Variants in NUP42 observed in about 807,000 individuals in gnomAD.
NUP42 encodes the protein nucleoporin 42, also known as nucleoporin NUP42.
In NUP42, 47 loss-of-function variants were observed where a neutral mutation model predicts 35.9. The ratio of observed to expected loss-of-function variants is 1.31; its 90% confidence interval spans 1.04 to 1.67. The LOEUF (loss-of-function observed/expected upper bound fraction) is 1.67, where lower values mean the gene tolerates loss of function less well. Among genes scored for constraint, NUP42 ranks in the 40% most tolerant of loss-of-function variants. The pLI is 0.00. For synonymous variants in NUP42, 173 were observed against 173.3 expected (o/e 1.00, Z 0.01); for missense variants, 514 against 492.2 (o/e 1.04, Z -0.42).
chr7:23,193,091 T>A (rs1417086895), intron 3 of NUP42, among the ~76,000 whole-genome samples: 1 of 151,580 alleles, frequency 6.6e-6, no homozygotes, highest in African/African-American at 2.4e-5. Context: ...TCTGGAGTTG[T>A]TTGTTCCTCC....
intron 3 of NUP42, among the ~76,000 whole-genome samples, chr7:23,191,313 G>A (rs1785783395): frequency 6.6e-6 from 1 of 152,208 alleles, no homozygotes; most frequent in Admixed American, 6.5e-5. Context: ...GGGGGAGAAA[G>A]GTCTGTTGGG....
intron 3 of NUP42, among the ~76,000 whole-genome samples, chr7:23,193,834 G>A (rs1034710359): frequency 1.3e-5 from 2 of 152,222 alleles, no homozygotes; most frequent in African/African-American, 2.4e-5. Context: ...GGAGGTGAGG[G>A]GGAGGCTCAG....
At chr7:23,192,342 G>C (rs985072832) in intron 3 of NUP42, among the ~76,000 whole-genome samples, 1 of 151,938 alleles carries the variant, frequency 6.6e-6, no homozygotes, top group East Asian at 1.9e-4. Flanking sequence ...TCAGGAGTTC[G>C]AGACCAACCT....
intron 3 of NUP42, among the ~76,000 whole-genome samples, chr7:23,189,475 T>G (rs1785714922): frequency 6.6e-6 from 1 of 151,984 alleles, no homozygotes; most frequent in Admixed American, 6.6e-5. Flanking sequence ...TTAGCCTGAG[T>G]ATGATGGCAT....
chr7:23,187,352 T>C, intron 3 of NUP42: 2 of 406,258 alleles, frequency 4.9e-6, no homozygotes, highest in Non-Finnish European at 8.7e-6. Flanking sequence ...CATATAGTTC[T>C]TGGGAGAAAA....
At chr7:23,197,468 CT>C (rs1786052810) in intron 5 of NUP42, among the ~76,000 whole-genome samples, 1 of 152,200 alleles carries the variant, frequency 6.6e-6, no homozygotes, top group South Asian at 2.1e-4. Context: ...TAACTAGACT[CT>C]TGTGCAAGCT....
intron 1 of NUP42, among the ~76,000 whole-genome samples, chr7:23,182,742 CAAAAAAAAAA>C (rs60397960): frequency 2.7e-5 from 2 of 74,156 alleles, no homozygotes; most frequent in South Asian, 5.1e-4. Context: ...CTAAAAATAC[CAAAAAAAAAA>C]AAAAAAAAAA....
At chr7:23,199,940 G>C (rs1007138062) in intron 6 of NUP42, among the ~76,000 whole-genome samples, 3 of 152,166 alleles carry the variant, frequency 2.0e-5, no homozygotes, top group African/African-American at 7.2e-5. Flanking sequence ...TTGGGTGAAG[G>C]TCGATCAAGG....
At chr7:23,196,358 T>C (rs1771912600) in intron 4 of NUP42, 1 of 241,846 alleles carries the variant, frequency 4.1e-6, no homozygotes, top group Admixed American at 5.3e-5. Flanking sequence ...GTTTAAATGC[T>C]GTATTTTTCT....
chr7:23,189,419 A>AC (rs61361674), intron 3 of NUP42, among the ~76,000 whole-genome samples: 13,346 of 152,198 alleles, frequency 0.088, 907 homozygotes, highest in African/African-American at 0.18. Flanking sequence ...GTTTGAGACC[A>AC]CCTGGACAAT....
intron 3 of NUP42, among the ~76,000 whole-genome samples, chr7:23,190,909 G>T (rs1039733839): frequency 6.6e-6 from 1 of 152,188 alleles, no homozygotes; most frequent in South Asian, 2.1e-4. Context: ...AGGAATTCTG[G>T]TTGAGCACAG....
chr7:23,185,325 C>G, intron 2 of NUP42, 27 bp downstream of exon 2: 1 of 1,487,346 alleles, frequency 6.7e-7, no homozygotes, highest in Non-Finnish European at 9.3e-7. Flanking sequence ...AGGAAAATTA[C>G]TATCCATTTG....
intron 6 of NUP42, 121 bp from the exon 7 acceptor site, chr7:23,200,047 G>A: frequency 4.1e-6 from 3 of 735,000 alleles, no homozygotes; most frequent in Non-Finnish European, 6.5e-6. Context: ...CGTCCAGTAA[G>A]CTTCTCAACA....
rs1234291009 is a variant in NUP42, at chr7:23,182,118, G to A, written c.33G>A (p.Arg11=). MAICQFFLQG[R]CRFGDRCWNE... ...TTTGTCAATTCTTCCTTCAAGGCCG[G>A]TGCCGCTTTGGAGATCGGTGCTGGA... Residue 11 remains arginine (R), a synonymous_variant, in exon 1 of 7, where the codon CGG becomes CGA. Coordinates refer to ENST00000258742, the MANE Select transcript of NUP42 (RefSeq NM_007342.3). 4 of 1,614,186 alleles carry A rather than the reference G, an allele frequency of 2.5e-6. No individual in the cohort carries two copies. In the East Asian group the frequency reaches 6.7e-5, roughly 27 times the overall value.
chr7:23,183,069 G>A (rs1328629127), intron 1 of NUP42, among the ~76,000 whole-genome samples: 1 of 152,050 alleles, frequency 6.6e-6, no homozygotes, highest in Non-Finnish European at 1.5e-5. Context: ...GAGATGCGGG[G>A]GCCACGTTGA....
chr7:23,197,221 C>G (rs1194267109), intron 5 of NUP42: 14 of 1,300,892 alleles, frequency 1.1e-5, no homozygotes, highest in Non-Finnish European at 1.4e-5. Flanking sequence ...GATCTATGGT[C>G]CCGACTGTGG....
rs1206300445 is a variant in NUP42 at position 23,187,982 on chromosome 7, TTCTC to T, written c.445+844_445+847del. 17 of 826,540 alleles carry T rather than the reference TTCTC, an allele frequency of 2.1e-5. No individual in the cohort carries two copies. In the African/African-American group the frequency reaches 2.2e-4, roughly 10 times the overall value. The allele number at this position is 826,540 out of a possible 1,614,324, so 51.2% of individuals were successfully genotyped here. ...CTGGAATAGCATTTGCTTTAGAATA[TTCTC>T]TCTCTCTTTTTTTATTTTTTATTTT... On this transcript the variant is annotated intron_variant, in intron 3 of 6. Coordinates refer to ENST00000258742, the MANE Select transcript of NUP42 (RefSeq NM_007342.3).
intron 5 of NUP42, among the ~76,000 whole-genome samples, chr7:23,197,454 T>C (rs1583778209): frequency 6.6e-6 from 1 of 152,248 alleles, no homozygotes; most frequent in East Asian, 1.9e-4. Flanking sequence ...ATGTGCTTCC[T>C]GAATAACTAG....
chr7:23,187,795 G>A (rs567638527), intron 3 of NUP42, among the ~76,000 whole-genome samples: 22 of 151,228 alleles, frequency 1.5e-4, no homozygotes, highest in African/African-American at 5.1e-4. Flanking sequence ...TTCTAGAGAC[G>A]GGGTTTTACC....
Sources: allele counts gnomAD v4.1 joint callset (sites outside exome capture counted in the v4.1 genomes callset), GRCh38; gene constraint gnomAD v4.1.1; transcripts MANE v1.5; gene names NCBI Gene and HGNC (gene_info 2026-07-23, HGNC 2026-07-21).